TLK1: variants seen among roughly 807,000 people sequenced by gnomAD.
TLK1 encodes serine/threonine-protein kinase tousled-like 1.
A neutral mutation model predicts 105.3 loss-of-function variants in TLK1; 24 were observed. The observed-to-expected ratio is 0.23, with a 90% CI of 0.17 to 0.32. TLK1 has a LOEUF of 0.32. Among genes scored for constraint, TLK1 ranks in the 10% least tolerant of loss-of-function variants. The probability of loss-of-function intolerance (pLI) is 1.00; values close to 1 mark genes in which losing one functional copy is unlikely to be tolerated. For synonymous variants in TLK1, 321 were observed against 310.4 expected (o/e 1.03, Z -0.36); for missense variants, 558 against 910.5 (o/e 0.61, Z 4.98).
intron 1 of TLK1, among the ~76,000 whole-genome samples, chr2:171,193,536 A>G (rs1693199539): frequency 6.7e-6 from 1 of 149,676 alleles, no homozygotes; most frequent in Non-Finnish European, 1.5e-5. Context: ...AGCTGGGACT[A>G]CAAGCGCCCG....
chr2:171,142,420 C>T (rs1313497798), intron 1 of TLK1, among the ~76,000 whole-genome samples: 2 of 151,906 alleles, frequency 1.3e-5, no homozygotes, highest in African/African-American at 2.4e-5. Context: ...AACGCGAAAG[C>T]TGAAAGAATG....
At chr2:171,093,030 T>C (rs1689302100) in intron 2 of TLK1, among the ~76,000 whole-genome samples, 2 of 152,166 alleles carry the variant, frequency 1.3e-5, no homozygotes, top group Non-Finnish European at 2.9e-5. Flanking sequence ...ATTCAAAATT[T>C]TCCCCCAGTA....
chr2:171,180,823 C>CTTT (rs57223904), intron 1 of TLK1, among the ~76,000 whole-genome samples: 2 of 123,132 alleles, frequency 1.6e-5, no homozygotes, highest in Admixed American at 8.2e-5. Flanking sequence ...TAAGAGGATG[C>CTTT]TTTTTTTTTT....
Position 171,193,459 on chromosome 2 carries a change from C to T in TLK1, c.-6+37686G>A, listed in dbSNP as rs189992656. ...TAGCCCAGGCTGGAGTCCAGTGGCGCGATCTCGGCTCACTGCAAGCTCCGC... is the reference window on the plus strand; with the variant it reads ...TAGCCCAGGCTGGAGTCCAGTGGCGTGATCTCGGCTCACTGCAAGCTCCGC... On this transcript the variant is annotated intron_variant, in intron 1 of 20. Coordinates refer to the TLK1 transcript ENST00000521943. 7.2e-3 allele frequency among the ~76,000 whole-genome samples: 1,088 copies of T among 150,626 alleles called. 19 individuals are homozygous for T. The highest frequency in any genetic ancestry group is 0.025 in the African/African-American group (1,027 of 40,942).
chr2:171,049,499 A>G (rs555027914), intron 10 of TLK1, among the ~76,000 whole-genome samples: 10 of 152,168 alleles, frequency 6.6e-5, no homozygotes, highest in Non-Finnish European at 1.3e-4. Flanking sequence ...ACACACACAC[A>G]AATCTTCCAG....
At chr2:171,082,374 A>T (rs1688794659) in intron 3 of TLK1, among the ~76,000 whole-genome samples, 1 of 152,146 alleles carries the variant, frequency 6.6e-6, no homozygotes, top group African/African-American at 2.4e-5. Context: ...TTCTAAAAAG[A>T]GGGAAAAAAT....
chr2:171,146,896 C>T (rs1691812941), intron 1 of TLK1, among the ~76,000 whole-genome samples: 1 of 152,182 alleles, frequency 6.6e-6, no homozygotes, highest in African/African-American at 2.4e-5. Context: ...CCGGTTTCTA[C>T]CTCAGTAGGC....
chr2:171,183,175 T>C (rs1692960395), intron 1 of TLK1, among the ~76,000 whole-genome samples: 1 of 152,174 alleles, frequency 6.6e-6, no homozygotes, highest in Admixed American at 6.5e-5. Flanking sequence ...TATATGTACA[T>C]TAATGACATT....
At chr2:171,066,891 A>G in intron 3 of TLK1, 1 of 1,552,230 alleles carries the variant, frequency 6.4e-7, no homozygotes, top group Middle Eastern at 1.7e-4. Context: ...CATTTAGAAC[A>G]ACTGCTGAAG....
chr2:171,177,814 A>T (rs771260114), intron 1 of TLK1, among the ~76,000 whole-genome samples: 2 of 151,914 alleles, frequency 1.3e-5, no homozygotes, highest in Non-Finnish European at 2.9e-5. Flanking sequence ...TTCTTTTGAG[A>T]TGGAGTTTCG....
chr2:171,089,735 C>A (rs904739840), intron 2 of TLK1, among the ~76,000 whole-genome samples: 2 of 152,170 alleles, frequency 1.3e-5, no homozygotes, highest in Non-Finnish European at 2.9e-5. Flanking sequence ...AGTGCAGTGG[C>A]ATGATCATAG....
chr2:171,133,893 T>G (rs899607817), intron 1 of TLK1, among the ~76,000 whole-genome samples: 2 of 152,026 alleles, frequency 1.3e-5, no homozygotes, highest in African/African-American at 2.4e-5. Context: ...TGGAGTGCAG[T>G]GGCATGATCG....
chr2:171,005,182 T>C (rs1276139269), intron 18 of TLK1, among the ~76,000 whole-genome samples: 1 of 152,268 alleles, frequency 6.6e-6, no homozygotes, highest in Non-Finnish European at 1.5e-5. Flanking sequence ...TAATTTTCTC[T>C]GAGAACTAAG....
intron 2 of TLK1, among the ~76,000 whole-genome samples, chr2:171,111,279 A>G (rs1690145186): frequency 2.0e-5 from 3 of 152,160 alleles, no homozygotes; most frequent in Admixed American, 2.0e-4. Flanking sequence ...AATCACAGTA[A>G]AAGATCTCCC....
intron 3 of TLK1, among the ~76,000 whole-genome samples, chr2:171,074,209 GTT>G (rs1455839059): frequency 6.6e-6 from 1 of 151,982 alleles, no homozygotes; most frequent in Non-Finnish European, 1.5e-5. Context: ...CATTTTTTAT[GTT>G]ACAAAATAAT....
chr2:171,164,713 A>G (rs1038264809), upstream of TLK1, among the ~76,000 whole-genome samples: 1 of 152,270 alleles, frequency 6.6e-6, no homozygotes, highest in Admixed American at 6.5e-5. Context: ...GTGCAAATAC[A>G]TAATTTTATA....
intron 1 of TLK1, among the ~76,000 whole-genome samples, chr2:171,175,374 A>G (rs1337590364): frequency 6.6e-6 from 1 of 152,088 alleles, no homozygotes; most frequent in Non-Finnish European, 1.5e-5. Flanking sequence ...CTTTTTTGTC[A>G]TTATTCCCTA....
intron 18 of TLK1, among the ~76,000 whole-genome samples, chr2:171,004,878 A>G (rs1459703928): frequency 1.3e-5 from 2 of 152,260 alleles, no homozygotes; most frequent in African/African-American, 4.8e-5. Context: ...AAATATGAAG[A>G]AAAAATTCAT....
chr2:171,114,268 T>G (rs1210651630), intron 2 of TLK1, among the ~76,000 whole-genome samples: 2 of 152,158 alleles, frequency 1.3e-5, no homozygotes, highest in Non-Finnish European at 2.9e-5. Context: ...ACACACACCC[T>G]AAACTCCAGA....
Sources: allele counts gnomAD v4.1 joint callset (sites outside exome capture counted in the v4.1 genomes callset), GRCh38; gene constraint gnomAD v4.1.1; transcripts MANE v1.5; gene names NCBI Gene and HGNC (gene_info 2026-07-23, HGNC 2026-07-21).